Variants in SEC24D observed in about 807,000 individuals in gnomAD.
SEC24D encodes the protein protein transport protein Sec24D.
SEC24D carries 69 observed loss-of-function variants against 116.9 expected under a neutral mutation model. That is an observed-to-expected ratio of 0.59 (90% CI 0.49 to 0.72). SEC24D has a LOEUF of 0.72. Among genes scored for constraint, SEC24D ranks in the 30% least tolerant of loss-of-function variants. The pLI is 0.00. For synonymous variants in SEC24D, 405 were observed against 442.8 expected (o/e 0.91, Z 1.07); for missense variants, 1,131 against 1,264.1 (o/e 0.89, Z 1.60).
intron 10 of SEC24D, among the ~76,000 whole-genome samples, chr4:118,761,294 G>T (rs914495473): frequency 6.6e-6 from 1 of 152,192 alleles, no homozygotes; most frequent in African/African-American, 2.4e-5. Context: ...ATGGATGAAT[G>T]AATGGAACAA....
intron 2 of SEC24D, among the ~76,000 whole-genome samples, chr4:118,830,682 G>A (rs188142031): frequency 6.6e-6 from 1 of 151,358 alleles, no homozygotes; most frequent in Non-Finnish European, 1.5e-5. Flanking sequence ...TGCCTTCTCT[G>A]CTCCAGGAAC....
intron 10 of SEC24D, among the ~76,000 whole-genome samples, chr4:118,762,949 C>T (rs1243857779): frequency 6.6e-6 from 1 of 152,136 alleles, no homozygotes; most frequent in East Asian, 1.9e-4. Context: ...AAGATCATGT[C>T]ACTTTTTTGG....
intron 19 of SEC24D, among the ~76,000 whole-genome samples, chr4:118,737,777 A>G (rs1164819281): frequency 1.3e-5 from 2 of 152,152 alleles, no homozygotes; most frequent in African/African-American, 2.4e-5. Context: ...GAGAGAGTCA[A>G]TTCTTTGAAA....
intron 13 of SEC24D, among the ~76,000 whole-genome samples, chr4:118,745,893 G>A (rs567859305): frequency 6.6e-6 from 1 of 152,200 alleles, no homozygotes; most frequent in Non-Finnish European, 1.5e-5. Flanking sequence ...GAATCCTGAA[G>A]AGCTGAGCAC....
At chr4:118,787,825 T>C (rs545486308) in intron 8 of SEC24D, among the ~76,000 whole-genome samples, 6 of 151,944 alleles carry the variant, frequency 3.9e-5, no homozygotes, top group Non-Finnish European at 8.8e-5. Flanking sequence ...AATAATGAAA[T>C]AAACAAAATT....
Position 118,757,765 on chromosome 4 carries a change from C to T in SEC24D, c.1377G>A (p.Lys459=), listed in dbSNP as rs1727175086. 3 of 1,611,482 alleles carry T rather than the reference C, an allele frequency of 1.9e-6. No homozygotes were observed. The East Asian group carries it at 6.7e-5, about 36-fold the overall frequency. ...TGGTCTTCAGTTCTTCACATATGAG[C>T]TTGACAAGTCCATTCTTTATGTTAC... The part of the protein sequence containing the change: ...SYSNIKNGLV[K]LICEELKTML... The change falls in exon 11 of 23, where the codon AAG becomes AAA. Residue 459 remains lysine (K), a synonymous_variant. Coordinates refer to ENST00000280551, the MANE Select transcript of SEC24D (RefSeq NM_014822.4).
chr4:118,730,765 G>T (rs1000322282), intron 21 of SEC24D: 1 of 152,890 alleles, frequency 6.5e-6, no homozygotes, highest in Non-Finnish European at 1.5e-5. Context: ...CAACAGAGGG[G>T]TGTATAGTCT....
At chr4:118,829,541 G>C (rs946249136) in intron 2 of SEC24D, among the ~76,000 whole-genome samples, 2 of 152,026 alleles carry the variant, frequency 1.3e-5, no homozygotes, top group African/African-American at 4.8e-5. Flanking sequence ...GGCCAGGCGC[G>C]GTGGCTCATG....
intron 13 of SEC24D, among the ~76,000 whole-genome samples, chr4:118,750,915 TA>T (rs1372865695): frequency 6.6e-6 from 1 of 152,024 alleles, no homozygotes; most frequent in Non-Finnish European, 1.5e-5. Flanking sequence ...TCTTGCAGAT[TA>T]AAAAAACCCA....
Position 118,785,779 on chromosome 4 carries a change from A to G in SEC24D, c.1041+11904T>C, listed in dbSNP as rs538614722. Among the ~76,000 whole-genome samples, 24 of 152,266 alleles carry G rather than the reference A, an allele frequency of 1.6e-4. No homozygotes were observed. In the South Asian group the frequency reaches 5.0e-3, roughly 32 times the overall value. ...GAATATAAATTGTGGAGTCTAATTC[A>G]GTTTCCTCCTTCTTATATAATAGCT... On this transcript the variant is annotated intron_variant, in intron 8 of 22. Transcript: ENST00000280551.
At chr4:118,820,144 T>C (rs917156327) in intron 3 of SEC24D, among the ~76,000 whole-genome samples, 10 of 151,860 alleles carry the variant, frequency 6.6e-5, no homozygotes, top group East Asian at 3.9e-4. Context: ...AGGGAAGAGA[T>C]GAAAGAACAT....
intron 6 of SEC24D, among the ~76,000 whole-genome samples, chr4:118,809,537 A>T (rs1251132968): frequency 6.6e-6 from 1 of 152,184 alleles, no homozygotes; most frequent in Non-Finnish European, 1.5e-5. Flanking sequence ...GCTCCATCTG[A>T]CCATCACTAT....
intron 8 of SEC24D, among the ~76,000 whole-genome samples, chr4:118,782,888 T>C (rs1728484628): frequency 6.6e-6 from 1 of 152,172 alleles, no homozygotes; most frequent in Non-Finnish European, 1.5e-5. Flanking sequence ...CAAGACTCCT[T>C]GGGTGTGGGA....
intron 3 of SEC24D, among the ~76,000 whole-genome samples, chr4:118,818,259 A>T (rs967021631): frequency 6.6e-6 from 1 of 152,158 alleles, no homozygotes; most frequent in African/African-American, 2.4e-5. Flanking sequence ...CCCAAATGGT[A>T]TACTCTGATT....
chr4:118,834,682 T>C (rs1430439465), intron 1 of SEC24D, among the ~76,000 whole-genome samples: 1 of 152,234 alleles, frequency 6.6e-6, no homozygotes, highest in African/African-American at 2.4e-5. Flanking sequence ...TGACATGGAA[T>C]GAGCTGAAGA....
chr4:118,723,703 AT>A, intron 22 of SEC24D, 48 bp from the exon 23 acceptor site: 1 of 1,574,466 alleles, frequency 6.4e-7, no homozygotes, highest in Non-Finnish European at 8.6e-7. Flanking sequence ...TATAAACATT[AT>A]TTGAAAATGG....
At chr4:118,736,990 T>C (rs1455003204) in intron 19 of SEC24D, among the ~76,000 whole-genome samples, 1 of 152,250 alleles carries the variant, frequency 6.6e-6, no homozygotes, top group African/African-American at 2.4e-5. Flanking sequence ...TCCAGTTGTT[T>C]CAAAGTTAAC....
intron 11 of SEC24D, among the ~76,000 whole-genome samples, chr4:118,755,683 G>A (rs536937069): frequency 6.6e-6 from 1 of 152,040 alleles, no homozygotes; most frequent in Admixed American, 6.6e-5. Flanking sequence ...CAAGACTTCA[G>A]ACTGTGCTTT....
intron 15 of SEC24D, among the ~76,000 whole-genome samples, chr4:118,741,499 C>T (rs973581797): frequency 2.0e-5 from 3 of 152,148 alleles, no homozygotes; most frequent in African/African-American, 7.2e-5. Context: ...AACTACTCTA[C>T]GATCACCGTA....
Sources: allele counts gnomAD v4.1 joint callset (sites outside exome capture counted in the v4.1 genomes callset), GRCh38; gene constraint gnomAD v4.1.1; transcripts MANE v1.5; gene names NCBI Gene and HGNC (gene_info 2026-07-23, HGNC 2026-07-21).